The following EYS variants were observed in gnomAD, a reference collection of about 807,000 sequenced individuals.
The protein encoded by EYS is EGF-like photoreceptor maintenance factor.
A neutral mutation model predicts 282.1 loss-of-function variants in EYS; 250 were observed. That is an observed-to-expected ratio of 0.89 (90% CI 0.80 to 0.98). EYS has a LOEUF of 0.98. Among genes scored for constraint, EYS ranks in the 50% least tolerant of loss-of-function variants. The pLI is 0.00. For synonymous variants in EYS, 1,355 were observed against 1,282.9 expected, an observed-to-expected ratio of 1.06 and a Z score of -1.20; for missense variants, 4,016 against 3,709.0, an observed-to-expected ratio of 1.08 and a Z score of -2.15.
At chr6:65,471,472 G>T (rs1392047571) in intron 5 of EYS, among the ~76,000 whole-genome samples, 2 of 152,188 alleles carry the variant, frequency 1.3e-5, no homozygotes, top group South Asian at 4.1e-4. Flanking sequence ...TTCTGGGATT[G>T]TTTTTTATAT....
At chr6:64,126,378 C>T (rs1434633068) in intron 31 of EYS, among the ~76,000 whole-genome samples, 1 of 151,692 alleles carries the variant, frequency 6.6e-6, no homozygotes, top group South Asian at 2.1e-4. Context: ...GCACTATTCT[C>T]TTCTACATCA....
chr6:64,111,654 G>T lies in EYS; in HGVS notation c.6425-29652C>A, dbSNP rs185495703. On this transcript the variant is annotated intron_variant, in intron 31 of 42. Transcript: ENST00000503581. ...CATAATATTTATGAGCTGTGTGGAA[G>T]TTTCAGTGTAAAGTGGTGGCCATGA... is the stretch of plus-strand genomic sequence containing the variant. Among the ~76,000 whole-genome samples the T allele has an allele frequency of 6.0e-4, 92 of 152,148 alleles. 2 individuals carry two copies. The highest frequency in any genetic ancestry group is 2.1e-3 in the African/African-American group (88 of 41,550).
intron 28 of EYS, among the ~76,000 whole-genome samples, chr6:64,409,214 G>A (rs922872400): frequency 6.6e-6 from 1 of 152,124 alleles, no homozygotes; most frequent in African/African-American, 2.4e-5. Context: ...CATCTAGGTT[G>A]ATTCCATATC....
At chr6:64,774,148 A>C (rs1257758318) in intron 22 of EYS, among the ~76,000 whole-genome samples, 1 of 151,924 alleles carries the variant, frequency 6.6e-6, no homozygotes, top group Non-Finnish European at 1.5e-5. Context: ...CTAAATACAC[A>C]AAAACTCTAG....
chr6:64,382,968 C>T (rs767987579), intron 29 of EYS, among the ~76,000 whole-genome samples: 1 of 152,054 alleles, frequency 6.6e-6, no homozygotes, highest in Non-Finnish European at 1.5e-5. Flanking sequence ...GAGTCCAATC[C>T]ATGGTGTATT....
At chr6:63,769,402 G>A (rs1227673851) in intron 40 of EYS, among the ~76,000 whole-genome samples, 1 of 151,796 alleles carries the variant, frequency 6.6e-6, no homozygotes, top group Non-Finnish European at 1.5e-5. Context: ...ACATGCACCT[G>A]GCATACAATA....
chr6:64,529,916 T>G (rs1028765599), intron 26 of EYS, among the ~76,000 whole-genome samples: 3 of 152,066 alleles, frequency 2.0e-5, no homozygotes, highest in Non-Finnish European at 4.4e-5. Context: ...AATCCAATGT[T>G]AGTGAAGAAA....
At chr6:64,306,050 G>A (rs370996700) in intron 30 of EYS, among the ~76,000 whole-genome samples, 273 of 152,160 alleles carry the variant, frequency 1.8e-3, no homozygotes, top group African/African-American at 6.3e-3. Context: ...AATCCAATTC[G>A]AAAATGGACA....
intron 5 of EYS, among the ~76,000 whole-genome samples, chr6:65,467,133 A>C (rs2150413847): frequency 6.6e-6 from 1 of 152,314 alleles, no homozygotes; most frequent in South Asian, 2.1e-4. Context: ...ACCATTATGT[A>C]TGTAAAAATT....
intron 26 of EYS, among the ~76,000 whole-genome samples, chr6:64,589,380 C>T (rs1191154432): frequency 1.3e-5 from 2 of 152,002 alleles, no homozygotes; most frequent in Non-Finnish European, 2.9e-5. Flanking sequence ...ACACAAACCA[C>T]TATAAGTTTA....
intron 12 of EYS, among the ~76,000 whole-genome samples, chr6:65,224,431 C>A (rs1231247115): frequency 6.6e-6 from 1 of 152,000 alleles, no homozygotes; most frequent in Non-Finnish European, 1.5e-5. Context: ...GAAGAAATTT[C>A]TATCAATAAG....
chr6:64,121,074 C>A (rs954926414), intron 31 of EYS, among the ~76,000 whole-genome samples: 19 of 152,170 alleles, frequency 1.2e-4, no homozygotes, highest in African/African-American at 4.6e-4. Context: ...ATGTGCCCCC[C>A]TCCCCCATAG....
In EYS at chr6:65,495,420, G is replaced by C. The variant is rs1357375370; in HGVS notation, c.-10C>G. ...TTGATTTGTCAGTCATTTTCGGGTAGCTGTATTTTACAGTTTATCATAAAG... is the reference window on the plus strand; with the variant it reads ...TTGATTTGTCAGTCATTTTCGGGTACCTGTATTTTACAGTTTATCATAAAG... On this transcript the variant is annotated 5_prime_UTR_variant, in exon 4 of 43. Transcript: ENST00000503581. The C allele has an allele frequency of 6.2e-7, 1 of 1,606,826 alleles. No individual in the cohort carries two copies. The highest frequency in any genetic ancestry group is 1.1e-5 in the South Asian group (1 of 91,064).
chr6:65,095,324 A>G (rs66740770), intron 12 of EYS, among the ~76,000 whole-genome samples: 1 of 150,892 alleles, frequency 6.6e-6, no homozygotes, highest in Non-Finnish European at 1.5e-5. Context: ...TAATAATTTC[A>G]AGACATCTAT....
At chr6:64,630,634 G>T (rs1256088222) in intron 22 of EYS, among the ~76,000 whole-genome samples, 1 of 152,040 alleles carries the variant, frequency 6.6e-6, no homozygotes, top group Non-Finnish European at 1.5e-5. Context: ...TTGCTTTCCT[G>T]GAATGAACTC....
At chr6:64,886,906 T>A (rs2150063394) in intron 18 of EYS, 64 bp from the exon 19 acceptor site, 3 of 926,034 alleles carry the variant, frequency 3.2e-6, no homozygotes, top group South Asian at 4.1e-5. Context: ...TTATATATGA[T>A]TCATATTTAT....
At chr6:64,025,890 A>T (rs1769480731) in intron 33 of EYS, among the ~76,000 whole-genome samples, 1 of 152,172 alleles carries the variant, frequency 6.6e-6, no homozygotes, top group Admixed American at 6.5e-5. Flanking sequence ...CTAACAGGAG[A>T]ATGCTTAGGA....
chr6:63,737,810 G>C (rs879315334), intron 41 of EYS, among the ~76,000 whole-genome samples: 1 of 152,068 alleles, frequency 6.6e-6, no homozygotes, highest in Non-Finnish European at 1.5e-5. Context: ...CCTACAAAAT[G>C]GGAGAAAATT....
intron 22 of EYS, among the ~76,000 whole-genome samples, chr6:64,755,504 AC>A (rs1772906436): frequency 9.0e-6 from 1 of 111,258 alleles, no homozygotes; most frequent in Non-Finnish European, 1.7e-5. Context: ...ACATACACAC[AC>A]ACACACACAC....
Sources: gnomAD v4.1 joint callset for allele counts (sites outside exome capture counted in the v4.1 genomes callset) on GRCh38, gnomAD v4.1.1 for gene constraint, MANE v1.5 for transcripts, NCBI Gene and HGNC (gene_info 2026-07-23, HGNC 2026-07-21) for gene names.